Variants in CACNA2D2 observed in about 807,000 individuals in gnomAD.
CACNA2D2 encodes the protein calcium voltage-gated channel auxiliary subunit alpha2delta 2, also known as voltage-dependent calcium channel subunit alpha-2/delta-2.
Under a neutral mutation model 166.4 loss-of-function variants are expected in CACNA2D2, and 48 were observed. That is an observed-to-expected ratio of 0.29 (90% CI 0.23 to 0.37). The LOEUF (loss-of-function observed/expected upper bound fraction) is 0.37. Among genes scored for constraint, CACNA2D2 ranks in the 10% least tolerant of loss-of-function variants. The pLI, the probability that CACNA2D2 is intolerant of heterozygous loss-of-function variation, is 1.00. For synonymous variants in CACNA2D2, 561 were observed against 573.7 expected (o/e 0.98, Z 0.32); for missense variants, 1,122 against 1,433.0 (o/e 0.78, Z 3.50).
rs1670393206 is a variant in CACNA2D2 at position 50,402,276 on chromosome 3, GA to G, written c.406-8109del. ...GCTGAGCATTTGCAGAAACCAGCTT[GA>G]ATTTACAGACCAGTTTTCTGGAAAT... On this transcript the variant is annotated intron_variant, in intron 3 of 37. Transcript: ENST00000424201. Among the ~76,000 whole-genome samples, 8 of 152,318 alleles carry G rather than the reference GA, an allele frequency of 5.3e-5. No homozygotes were observed. The South Asian group carries it at 1.7e-3, about 32-fold the overall frequency.
chr3:50,402,775 G>A (rs1382422260), intron 3 of CACNA2D2, among the ~76,000 whole-genome samples: 2 of 152,224 alleles, frequency 1.3e-5, no homozygotes, highest in African/African-American at 2.4e-5. Context: ...TCAGAATTCT[G>A]CCAGTTTTGT....
chr3:50,480,889 G>A (rs57366519), intron 1 of CACNA2D2, among the ~76,000 whole-genome samples: 1 of 284 alleles, frequency 3.5e-3, no homozygotes, highest in Non-Finnish European at 9.1e-3. Flanking sequence ...CGGGAGGAAA[G>A]GGGAGGAAGG....
At chr3:50,495,555 A>C (rs1341021076) in intron 1 of CACNA2D2, among the ~76,000 whole-genome samples, 1 of 152,134 alleles carries the variant, frequency 6.6e-6, no homozygotes, top group African/African-American at 2.4e-5. Context: ...TTCGCTGGAG[A>C]TGCTCCAGAT....
intron 1 of CACNA2D2, among the ~76,000 whole-genome samples, chr3:50,501,193 C>A (rs1429629300): frequency 6.6e-6 from 1 of 152,214 alleles, no homozygotes; most frequent in Non-Finnish European, 1.5e-5. Flanking sequence ...ACCTTTCTTA[C>A]CAGTTCAACA....
rs879939640 is a variant in CACNA2D2 at position 50,478,051 on chromosome 3, G to GA, written c.207-1853dup. On this transcript the variant is annotated intron_variant, in intron 1 of 37. Transcript: ENST00000424201. ...CAAGCTGAATGTCAGGACCATGATG[G>GA]AAAAAAAAAAAATCAACATCAAAAG... Among the ~76,000 whole-genome samples the GA allele has an allele frequency of 4.7e-3, 683 of 146,100 alleles. 3 individuals carry two copies. The highest frequency in any genetic ancestry group is 7.3e-3 in the Non-Finnish European group (482 of 66,114).
intron 3 of CACNA2D2, among the ~76,000 whole-genome samples, chr3:50,401,260 T>C (rs1230016392): frequency 6.7e-6 from 1 of 149,536 alleles, no homozygotes; most frequent in Non-Finnish European, 1.5e-5. Flanking sequence ...GTAAAATGGA[T>C]TTTTTTTTTA....
chr3:50,467,282 A>T (rs1176107502), intron 2 of CACNA2D2, among the ~76,000 whole-genome samples: 1 of 152,128 alleles, frequency 6.6e-6, no homozygotes, highest in Non-Finnish European at 1.5e-5. Context: ...GGGATCATCT[A>T]TGTGGGGTTG....
At chr3:50,425,440 G>A (rs998228900) in intron 3 of CACNA2D2, among the ~76,000 whole-genome samples, 1 of 152,126 alleles carries the variant, frequency 6.6e-6, no homozygotes, top group Non-Finnish European at 1.5e-5. Context: ...CATGTTAGCT[G>A]CTCTGCACAT....
intron 2 of CACNA2D2, among the ~76,000 whole-genome samples, chr3:50,436,493 T>C (rs2236972): frequency 0.095 from 14,433 of 151,928 alleles, 1,988 homozygotes; most frequent in African/African-American, 0.3. Flanking sequence ...GCAGAGTGAG[T>C]GGGTCTCTAG....
At chr3:50,401,385 G>A (rs1228635906) in intron 3 of CACNA2D2, among the ~76,000 whole-genome samples, 1 of 152,182 alleles carries the variant, frequency 6.6e-6, no homozygotes, top group Non-Finnish European at 1.5e-5. Flanking sequence ...CCTCCCTGTG[G>A]GTGTCACAGG....
chr3:50,373,305 C>T (rs1395475338), intron 22 of CACNA2D2, among the ~76,000 whole-genome samples: 1 of 150,780 alleles, frequency 6.6e-6, no homozygotes, highest in Non-Finnish European at 1.5e-5. Context: ...AGGAGATGAG[C>T]CCCCAGTCGG....
At chr3:50,457,580 C>G (rs1380827827) in intron 2 of CACNA2D2, among the ~76,000 whole-genome samples, 1 of 152,176 alleles carries the variant, frequency 6.6e-6, no homozygotes, top group Non-Finnish European at 1.5e-5. Flanking sequence ...CCAGCTGTGT[C>G]TCCAGGTCCA....
At chr3:50,476,625 G>A (rs553221631) in intron 1 of CACNA2D2, among the ~76,000 whole-genome samples, 2 of 152,344 alleles carry the variant, frequency 1.3e-5, no homozygotes, top group South Asian at 4.1e-4. Flanking sequence ...CCCAAGGCCA[G>A]GTGGGGCCTA....
intron 2 of CACNA2D2, among the ~76,000 whole-genome samples, chr3:50,447,098 C>A (rs1006759571): frequency 6.6e-6 from 1 of 152,204 alleles, no homozygotes; most frequent in Non-Finnish European, 1.5e-5. Context: ...GGCAGAGGAG[C>A]AGCATGCAAA....
intron 2 of CACNA2D2, among the ~76,000 whole-genome samples, chr3:50,467,429 C>T (rs184786918): frequency 2.2e-4 from 34 of 152,296 alleles, no homozygotes; most frequent in Admixed American, 1.2e-3. Context: ...GAGTCAGAGC[C>T]GGGATCTGTC....
chr3:50,464,664 AG>A (rs1252013053), intron 2 of CACNA2D2, among the ~76,000 whole-genome samples: 1 of 152,210 alleles, frequency 6.6e-6, no homozygotes, highest in Non-Finnish European at 1.5e-5. Context: ...ATGAGTTTTC[AG>A]GGCCTAGTCT....
intron 3 of CACNA2D2, among the ~76,000 whole-genome samples, chr3:50,398,658 G>A (rs561983578): frequency 2.4e-4 from 36 of 152,268 alleles, no homozygotes; most frequent in African/African-American, 8.4e-4. Context: ...GCTGCCCATG[G>A]CGATGCGGCT....
chr3:50,465,246 C>T (rs961552489), intron 2 of CACNA2D2, among the ~76,000 whole-genome samples: 1 of 152,214 alleles, frequency 6.6e-6, no homozygotes, highest in African/African-American at 2.4e-5. Flanking sequence ...ATAGTAATTG[C>T]TTTTTATATA....
intron 2 of CACNA2D2, among the ~76,000 whole-genome samples, chr3:50,439,004 G>A (rs749793198): frequency 2.0e-5 from 3 of 152,254 alleles, no homozygotes; most frequent in Non-Finnish European, 2.9e-5. Flanking sequence ...TCATCTCCAT[G>A]TGGCAGAGAG....
Sources: gnomAD v4.1 joint callset for allele counts (sites outside exome capture counted in the v4.1 genomes callset) on GRCh38, gnomAD v4.1.1 for gene constraint, MANE v1.5 for transcripts, NCBI Gene and HGNC (gene_info 2026-07-23, HGNC 2026-07-21) for gene names.